NBEA: variants seen among roughly 807,000 people sequenced by gnomAD.
NBEA encodes the protein neurobeachin, also known as lysosomal-trafficking regulator 2.
A neutral mutation model predicts 343.4 loss-of-function variants in NBEA; 44 were observed. The observed-to-expected ratio is 0.13, with a 90% CI of 0.10 to 0.16. NBEA has a LOEUF of 0.16. Among genes scored for constraint, NBEA ranks in the 10% least tolerant of loss-of-function variants. NBEA has a pLI of 1.00. For missense variants in NBEA, 2,555 were observed against 3,631.3 expected, an observed-to-expected ratio of 0.70 and a Z score of 7.62; for synonymous variants, 1,175 against 1,238.7, an observed-to-expected ratio of 0.95 and a Z score of 1.08.
rs529636425 is a variant in NBEA at position 35,198,963 on chromosome 13, C to CT, written c.5366+2664dup. ...GCCCTGCATACAACTTAGTTTCATG[C>CT]TTTAATGTCATCAGGAGGCACAAAT... On this transcript the variant is annotated intron_variant, in intron 31 of 58. Coordinates refer to ENST00000379939, the MANE Select transcript of NBEA (RefSeq NM_001385012.1). Among the ~76,000 whole-genome samples, 42 of 152,060 alleles carry CT rather than the reference C, an allele frequency of 2.8e-4. No homozygotes were observed. In the East Asian group the frequency reaches 8.2e-3, roughly 30 times the overall value.
chr13:35,235,454 TAATAA>T (rs1400223153), intron 34 of NBEA, among the ~76,000 whole-genome samples: 2 of 152,176 alleles, frequency 1.3e-5, no homozygotes, highest in Non-Finnish European at 2.9e-5. Context: ...ACCAAAGACA[TAATAA>T]AATAAAACAG....
chr13:35,139,766 T>G (rs1283265610), intron 17 of NBEA, among the ~76,000 whole-genome samples: 1 of 147,032 alleles, frequency 6.8e-6, no homozygotes, highest in Non-Finnish European at 1.5e-5. Context: ...TTTTTTTTTT[T>G]TTTTTTATCT....
chr13:35,232,563 C>T lies in NBEA; in HGVS notation c.5720C>T (p.Ala1907Val). The T allele has an allele frequency of 6.4e-7, 1 of 1,557,124 alleles. No individual in the cohort carries two copies. The highest frequency in any genetic ancestry group is 1.2e-5 in the South Asian group (1 of 84,242). Residue 1907 changes from alanine (A) to valine (V), a missense_variant, in exon 34 of 59, where the codon GCC (alanine) becomes GTC (valine). Transcript: ENST00000379939. ...CTTCGTGAAATTTTTGTAGACTTTG[C>T]CCCATTCCTATCTCGTACACTTCTT... The part of the protein sequence containing the change: ...PLLREIFVDF[A>V]PFLSRTLLGS...
intron 36 of NBEA, among the ~76,000 whole-genome samples, chr13:35,335,196 C>A (rs1351336863): frequency 6.6e-6 from 1 of 152,096 alleles, no homozygotes; most frequent in Non-Finnish European, 1.5e-5. Flanking sequence ...TTTCATTGCT[C>A]TATGTATCTG....
intron 40 of NBEA, among the ~76,000 whole-genome samples, chr13:35,458,519 C>G (rs73497915): frequency 0.022 from 3,358 of 152,278 alleles, 140 homozygotes; most frequent in African/African-American, 0.076. Context: ...ACAAAACTTA[C>G]GAGCTGTTGA....
At chr13:35,154,474 A>G (rs1462082626) in intron 18 of NBEA, among the ~76,000 whole-genome samples, 1 of 152,228 alleles carries the variant, frequency 6.6e-6, no homozygotes. Flanking sequence ...GTCTGTATTA[A>G]ATATAACCTC....
At chr13:35,463,516 T>C (rs2047016460) in intron 40 of NBEA, among the ~76,000 whole-genome samples, 1 of 151,948 alleles carries the variant, frequency 6.6e-6, no homozygotes, top group African/African-American at 2.4e-5. Context: ...TCCCAAGTAC[T>C]CAGGAGGCTG....
At chr13:35,345,414 G>GTTTA (rs935107128) in intron 36 of NBEA, among the ~76,000 whole-genome samples, 6 of 151,860 alleles carry the variant, frequency 4.0e-5, no homozygotes, top group East Asian at 3.9e-4. Flanking sequence ...CAGCAGAGTG[G>GTTTA]TTTATTTATT....
intron 34 of NBEA, among the ~76,000 whole-genome samples, chr13:35,243,499 T>C (rs887718348): frequency 6.6e-6 from 1 of 151,848 alleles, no homozygotes; most frequent in Admixed American, 6.6e-5. Flanking sequence ...AGGAACCAAC[T>C]ATGTGCTGTC....
intron 1 of NBEA, among the ~76,000 whole-genome samples, chr13:34,958,395 A>C (rs2059563158): frequency 6.6e-6 from 1 of 152,156 alleles, no homozygotes; most frequent in African/African-American, 2.4e-5. Flanking sequence ...ATCAGTAAGA[A>C]GGGGAGGACA....
chr13:35,002,825 C>T (rs975963438), intron 1 of NBEA, among the ~76,000 whole-genome samples: 7 of 152,128 alleles, frequency 4.6e-5, no homozygotes, highest in Non-Finnish European at 8.8e-5. Context: ...GTTGTAGAAG[C>T]ACTTTCCCCA....
At chr13:35,521,600 C>T (rs911744497) in intron 41 of NBEA, among the ~76,000 whole-genome samples, 3 of 152,164 alleles carry the variant, frequency 2.0e-5, no homozygotes, top group African/African-American at 4.8e-5. Flanking sequence ...TTTCTCCTCA[C>T]AGATAAGATG....
intron 38 of NBEA, among the ~76,000 whole-genome samples, chr13:35,415,273 A>T (rs1797384717): frequency 1.3e-5 from 2 of 152,090 alleles, no homozygotes; most frequent in South Asian, 4.1e-4. Flanking sequence ...TTTTGTTGCC[A>T]TTGCTTTTGG....
At chr13:35,617,230 C>A (rs2153058045) in intron 48 of NBEA, among the ~76,000 whole-genome samples, 1 of 152,306 alleles carries the variant, frequency 6.6e-6, no homozygotes, top group Non-Finnish European at 1.5e-5. Flanking sequence ...CCTGTTATTT[C>A]ATCATAGGAA....
chr13:35,109,219 A>T, intron 11 of NBEA, 71 bp from the exon 12 acceptor site: 2 of 1,371,978 alleles, frequency 1.5e-6, no homozygotes, highest in Non-Finnish European at 2.0e-6. Flanking sequence ...ATGTGTCCTT[A>T]TGCTAAATCA....
intron 48 of NBEA, among the ~76,000 whole-genome samples, chr13:35,616,333 A>G (rs2082739013): frequency 1.3e-5 from 2 of 152,188 alleles, no homozygotes; most frequent in African/African-American, 4.8e-5. Context: ...TGCAATATAT[A>G]TTCCAATCAC....
intron 10 of NBEA, among the ~76,000 whole-genome samples, chr13:35,084,448 A>G (rs1173555932): frequency 6.6e-6 from 1 of 152,208 alleles, no homozygotes; most frequent in Non-Finnish European, 1.5e-5. Context: ...CCGCTCAACT[A>G]CATGGAAACT....
rs73500407 is a variant in NBEA, at chr13:35,113,454, C to T, written c.2002+2476C>T. 7.7e-3 allele frequency among the ~76,000 whole-genome samples: 1,172 copies of T among 152,186 alleles called. 17 individuals are homozygous for T. The highest frequency in any genetic ancestry group is 0.027 in the African/African-American group (1,102 of 41,518). ...TAGCCTGTTCTTCAACAAAGTTTCA[C>T]CTACTTGTTTTAGTTTGTTGATGAT... On this transcript the variant is annotated intron_variant, in intron 13 of 58. Transcript: ENST00000379939.
intron 38 of NBEA, among the ~76,000 whole-genome samples, chr13:35,429,932 A>G (rs2044991038): frequency 6.6e-6 from 1 of 151,924 alleles, no homozygotes; most frequent in Admixed American, 6.6e-5. Flanking sequence ...ATGCATGTGC[A>G]AGTTTCTTTT....
Sources: gnomAD v4.1 joint callset for allele counts (sites outside exome capture counted in the v4.1 genomes callset) on GRCh38, gnomAD v4.1.1 for gene constraint, MANE v1.5 for transcripts, NCBI Gene and HGNC (gene_info 2026-07-23, HGNC 2026-07-21) for gene names.